The following TNNI3K variants were observed in gnomAD, a reference collection of about 807,000 sequenced individuals.
TNNI3K encodes the protein TNNI3 interacting kinase.
A neutral mutation model predicts 114.5 loss-of-function variants in TNNI3K; 140 were observed. The observed-to-expected ratio is 1.22, with a 90% CI of 1.07 to 1.41. The LOEUF (loss-of-function observed/expected upper bound fraction) is 1.41. Among genes scored for constraint, TNNI3K ranks in the 40% most tolerant of loss-of-function variants. The probability of loss-of-function intolerance (pLI) is 0.00; values close to 1 mark genes in which losing one functional copy is unlikely to be tolerated. For missense variants in TNNI3K, 1,125 were observed against 1,007.6 expected (o/e 1.12, Z -1.58); for synonymous variants, 347 against 347.5 (o/e 1.00, Z 0.02).
chr1:74,353,644 C>CAA (rs35082255), intron 10 of TNNI3K, among the ~76,000 whole-genome samples: 70 of 134,154 alleles, frequency 5.2e-4, no homozygotes, highest in African/African-American at 1.3e-3. Flanking sequence ...ATTTGGTGAT[C>CAA]AAAAAAAAAA....
At chr1:74,500,047 A>C (rs1327352097) in intron 23 of TNNI3K, among the ~76,000 whole-genome samples, 1 of 151,732 alleles carries the variant, frequency 6.6e-6, no homozygotes, top group Non-Finnish European at 1.5e-5. Context: ...CAGAAGCTTT[A>C]ATATATTATT....
At position 74,292,404 on chromosome 1, in the gene TNNI3K, A is replaced by G. The variant is rs556626073; in HGVS notation, c.444+20696A>G. Among the ~76,000 whole-genome samples, 4 of 151,564 alleles carry G rather than the reference A, an allele frequency of 2.6e-5. No homozygotes were observed. In the East Asian group the frequency reaches 7.7e-4, roughly 29 times the overall value. On this transcript the variant is annotated intron_variant, in intron 5 of 24. Coordinates refer to ENST00000326637, the MANE Select transcript of TNNI3K (RefSeq NM_015978.3). ...GTTTTTGGCACATTTAAGTTGTAATATATTTTGTTACTGTTCAGTTTAAAA... is the reference window on the plus strand; with the variant it reads ...GTTTTTGGCACATTTAAGTTGTAATGTATTTTGTTACTGTTCAGTTTAAAA...
intron 17 of TNNI3K, among the ~76,000 whole-genome samples, chr1:74,406,452 C>T (rs1664618219): frequency 6.6e-6 from 1 of 152,158 alleles, no homozygotes; most frequent in Admixed American, 6.6e-5. Context: ...AGGTTGCAAT[C>T]CTTGCATGTG....
Position 74,368,894 on chromosome 1 carries a change from G to C in TNNI3K, c.1322-128G>C, listed in dbSNP as rs1662430771. 21 of 819,166 alleles carry C rather than the reference G, an allele frequency of 2.6e-5. No individual in the cohort carries two copies. The South Asian group carries it at 4.9e-4, about 19-fold the overall frequency. The allele number at this position is 819,166 out of a possible 1,614,324, so 50.7% of individuals were successfully genotyped here. The stretch of plus-strand genomic sequence containing the variant: ...TAGCATCTTTAAGTAGTCAATTACA[G>C]TTGGAAAATTAAAAATTAAATGTTA... On this transcript the variant is annotated intron_variant, in intron 13 of 24. Coordinates refer to ENST00000326637, the MANE Select transcript of TNNI3K (RefSeq NM_015978.3).
At chr1:74,305,528 A>T (rs1273714469) in intron 5 of TNNI3K, among the ~76,000 whole-genome samples, 1 of 152,166 alleles carries the variant, frequency 6.6e-6, no homozygotes, top group Non-Finnish European at 1.5e-5. Context: ...TTGCAAAGCA[A>T]CTAGTCGTTG....
chr1:74,486,201 A>AAGAGAGTATAAAGAGAGAGAG, intron 21 of TNNI3K, among the ~76,000 whole-genome samples: 1 of 136,516 alleles, frequency 7.3e-6, no homozygotes, highest in Non-Finnish European at 1.6e-5. Context: ...AAATGCTATA[A>AAGAGAGTATAAAGAGAGAGAG]AGAGAGAGAG....
intron 20 of TNNI3K, among the ~76,000 whole-genome samples, chr1:74,446,708 G>C (rs1011985779): frequency 2.8e-5 from 4 of 144,264 alleles, no homozygotes; most frequent in East Asian, 2.0e-4. Context: ...ATCTTGAATT[G>C]ATTTTTGTAT....
intron 5 of TNNI3K, among the ~76,000 whole-genome samples, chr1:74,301,402 A>T (rs758690699): frequency 1.2e-4 from 19 of 152,120 alleles, no homozygotes; most frequent in South Asian, 1.2e-3. Context: ...TCCATCTCAA[A>T]AAAAATGATG....
intron 17 of TNNI3K, among the ~76,000 whole-genome samples, chr1:74,399,924 A>C (rs1455386382): frequency 6.6e-6 from 1 of 152,208 alleles, no homozygotes; most frequent in South Asian, 2.1e-4. Context: ...TAGGGAACCA[A>C]AGGCAGATGT....
intron 5 of TNNI3K, among the ~76,000 whole-genome samples, chr1:74,292,686 C>T (rs1657754662): frequency 6.6e-6 from 1 of 151,532 alleles, no homozygotes; most frequent in South Asian, 2.1e-4. Context: ...TTGTTTGCTA[C>T]ACAGCTTATA....
At chr1:74,301,119 G>C (rs767239847) in intron 5 of TNNI3K, among the ~76,000 whole-genome samples, 23 of 152,134 alleles carry the variant, frequency 1.5e-4, no homozygotes, top group Non-Finnish European at 2.8e-4. Context: ...AAAGGGTAAG[G>C]CTGGGTGTGG....
chr1:74,270,368 GA>G (rs926573964), intron 4 of TNNI3K, among the ~76,000 whole-genome samples: 20 of 143,384 alleles, frequency 1.4e-4, no homozygotes, highest in East Asian at 1.0e-3. Flanking sequence ...GCTTCAGTGG[GA>G]AAAAAAAAAC....
intron 5 of TNNI3K, among the ~76,000 whole-genome samples, chr1:74,318,231 C>A (rs1659424925): frequency 6.6e-6 from 1 of 152,150 alleles, no homozygotes; most frequent in African/African-American, 2.4e-5. Flanking sequence ...TAAGAGTAAT[C>A]CAGTCCCTGT....
At chr1:74,298,736 T>C (rs45614233) in intron 5 of TNNI3K, among the ~76,000 whole-genome samples, 137 of 152,224 alleles carry the variant, frequency 9.0e-4, no homozygotes, top group African/African-American at 3.2e-3. Context: ...GGGAGTTGCA[T>C]CACGGAATAA....
At chr1:74,344,558 C>T (rs1417749064) in intron 9 of TNNI3K, among the ~76,000 whole-genome samples, 2 of 152,150 alleles carry the variant, frequency 1.3e-5, no homozygotes, top group African/African-American at 2.4e-5. Context: ...TGGAATCTGT[C>T]CCTGCAGGGG....
At chr1:74,242,346 T>G (rs1458277674) in intron 2 of TNNI3K, among the ~76,000 whole-genome samples, 3 of 152,154 alleles carry the variant, frequency 2.0e-5, no homozygotes, top group Non-Finnish European at 1.5e-5. Flanking sequence ...AATAAAAAAA[T>G]GTTTTCTGAG....
chr1:74,309,897 A>C (rs1658884503), intron 5 of TNNI3K, among the ~76,000 whole-genome samples: 2 of 152,180 alleles, frequency 1.3e-5, no homozygotes, highest in Non-Finnish European at 2.9e-5. Flanking sequence ...AAGAACTAGT[A>C]CAAAACAAGA....
chr1:74,363,725 AG>A (rs781070805), intron 11 of TNNI3K, among the ~76,000 whole-genome samples: 4 of 151,868 alleles, frequency 2.6e-5, no homozygotes, highest in Admixed American at 6.6e-5. Flanking sequence ...GGGTAAATGT[AG>A]GGGTTTGGGT....
chr1:74,378,606 AT>A (rs1663032151), intron 17 of TNNI3K: 1 of 62,002 alleles, frequency 1.6e-5, no homozygotes, highest in Non-Finnish European at 3.3e-5. Flanking sequence ...ATATATATAT[AT>A]ATATATATAT....
Sources: allele counts gnomAD v4.1 joint callset (sites outside exome capture counted in the v4.1 genomes callset), GRCh38; gene constraint gnomAD v4.1.1; transcripts MANE v1.5; gene names NCBI Gene and HGNC (gene_info 2026-07-23, HGNC 2026-07-21).